The following PCDHGA8 variants were observed in gnomAD, a reference collection of about 807,000 sequenced individuals.
PCDHGA8 encodes the protein protocadherin gamma-A8.
In PCDHGA8, 45 loss-of-function variants were observed where a neutral mutation model predicts 59.2. The ratio of observed to expected loss-of-function variants is 0.76; its 90% CI spans 0.60 to 0.98. The LOEUF is 0.98. PCDHGA8 is among the 50% of genes least tolerant of loss of function. The pLI is 0.00. For synonymous variants in PCDHGA8, 531 were observed against 519.0 expected, an observed-to-expected ratio of 1.02 and a Z score of -0.32; for missense variants, 1,257 against 1,196.2, an observed-to-expected ratio of 1.05 and a Z score of -0.75.
intron 1 of PCDHGA8, chr5:141,418,494 T>TGATGGTGGG: frequency 6.2e-7 from 1 of 1,614,020 alleles, no homozygotes; most frequent in Non-Finnish European, 8.5e-7. Context: ...CACTTGGTAC[T>TGATGGTGGG]GACCGCCTTA....
intron 1 of PCDHGA8, among the ~76,000 whole-genome samples, chr5:141,448,571 C>G (rs1207283773): frequency 6.6e-6 from 1 of 152,128 alleles, no homozygotes; most frequent in Non-Finnish European, 1.5e-5. Flanking sequence ...TTTTATTTCC[C>G]CATTTTTTTT....
chr5:141,465,689 C>A (rs2099107540), intron 1 of PCDHGA8, among the ~76,000 whole-genome samples: 1 of 152,162 alleles, frequency 6.6e-6, no homozygotes, highest in African/African-American at 2.4e-5. Context: ...GACCAGTCTG[C>A]TTTTGCATTG....
rs752341952 is a variant in PCDHGA8 at position 141,431,380 on chromosome 5, T to C, written c.2424+36143T>C. 10 of 1,613,902 alleles carry C rather than the reference T, an allele frequency of 6.2e-6. No homozygotes were observed. The highest frequency in any genetic ancestry group is 8.5e-6 in the Non-Finnish European group (10 of 1,180,024). ...CCCTGGACCGCGAAGAAAAGGCTGCTCACCACCTGGTCCTTACGGCCTCCG... is the reference window on the plus strand; with the variant it reads ...CCCTGGACCGCGAAGAAAAGGCTGCCCACCACCTGGTCCTTACGGCCTCCG... On this transcript the variant is annotated intron_variant, in intron 1 of 3. Transcript: ENST00000398604. The surrounding 1 kb of genome is among the most constrained non-coding windows in gnomAD (Gnocchi z 4.8).
intron 2 of PCDHGA8, among the ~76,000 whole-genome samples, chr5:141,502,537 G>A (rs900570745): frequency 2.0e-5 from 3 of 152,042 alleles, no homozygotes; most frequent in Admixed American, 6.6e-5. Context: ...GTTTGTTCGT[G>A]TGGTAAAAAC....
At position 141,491,489 on chromosome 5, in the gene PCDHGA8, A is replaced by T; in HGVS notation, c.2425-3318A>T. 1.2e-6 allele frequency: 2 copies of T among 1,614,130 alleles called. No individual in the cohort carries two copies. Among genetic ancestry groups the T allele is most frequent in the Non-Finnish European group, 1.7e-6 (2 of 1,180,018 alleles). On this transcript the variant is annotated intron_variant, in intron 1 of 3. Coordinates refer to ENST00000398604, the MANE Select transcript of PCDHGA8 (RefSeq NM_032088.2). This position sits in a 1 kb window ranked among gnomAD's most constrained non-coding sequence, Gnocchi z 6.9. ...TATAAGCAGTCCAGCCCCAACCTGC[A>T]GGTGAGCTCGGACGGCACGCTCAAG... is the stretch of plus-strand genomic sequence containing the variant.
intron 1 of PCDHGA8, chr5:141,405,323 T>C (rs1420760439): frequency 6.2e-7 from 1 of 1,614,220 alleles, no homozygotes; most frequent in Non-Finnish European, 8.5e-7. Context: ...AAATGAGCCT[T>C]TGTGCGTCTC....
chr5:141,422,699 C>G (rs765368737), intron 1 of PCDHGA8: 2 of 1,603,420 alleles, frequency 1.2e-6, no homozygotes, highest in South Asian at 1.1e-5. Context: ...GTCACTTACT[C>G]TCTGACGGAT....
intron 1 of PCDHGA8, among the ~76,000 whole-genome samples, chr5:141,454,491 C>T (rs956727548): frequency 6.6e-6 from 1 of 152,194 alleles, no homozygotes; most frequent in South Asian, 2.1e-4. Context: ...ACCGCAACCT[C>T]CACCTCCTGG....
At chr5:141,497,719 T>C (rs1311566820) in intron 2 of PCDHGA8, among the ~76,000 whole-genome samples, 2 of 152,076 alleles carry the variant, frequency 1.3e-5, no homozygotes, top group Non-Finnish European at 2.9e-5. Context: ...TTTGTATTTT[T>C]AGTAGAGATG....
chr5:141,399,699 C>A lies in PCDHGA8; in HGVS notation c.2424+4462C>A, dbSNP rs555724833. ...TTGACTACGAGCAGCTGCGCACCTT[C>A]GAACTCACACTACAGGCCCGCGACC... On this transcript the variant is annotated intron_variant, in intron 1 of 3. Coordinates refer to ENST00000398604, the MANE Select transcript of PCDHGA8 (RefSeq NM_032088.2). The A allele has an allele frequency of 1.9e-6, 3 of 1,613,476 alleles. No homozygotes were observed. In the East Asian group the frequency reaches 6.7e-5, roughly 36 times the overall value.
At position 141,505,394 on chromosome 5, in the gene PCDHGA8, T is replaced by C; in HGVS notation, c.2485T>C (p.Ser829Pro). 6.2e-7 allele frequency: 1 copy of C among 1,614,110 alleles called. No homozygotes were observed. The highest frequency in any genetic ancestry group is 8.5e-7 in the Non-Finnish European group (1 of 1,180,002). The part of the protein sequence containing the change: ...SQAQRPGTSG[S>P]QNGDDTGTWP... ...CTCACCATCCTACTCTCTCCCCAGC[T>C]CCCAAAATGGCGATGACACCGGCAC... Residue 829 changes from serine (S) to proline (P), a missense_variant and splice_region_variant, in exon 3 of 4, where the codon TCC becomes CCC. By Grantham distance (74) the Ser-to-Pro change is moderately conservative. Coordinates refer to ENST00000398604, the MANE Select transcript of PCDHGA8 (RefSeq NM_032088.2).
intron 1 of PCDHGA8, chr5:141,428,653 T>A (rs952656382): frequency 1.8e-5 from 3 of 167,524 alleles, no homozygotes; most frequent in Admixed American, 1.1e-4. Flanking sequence ...TCACGTGAGT[T>A]CCAATGAATG....
intron 1 of PCDHGA8, among the ~76,000 whole-genome samples, chr5:141,450,814 A>C (rs990515429): frequency 1.5e-5 from 2 of 136,790 alleles, no homozygotes; most frequent in Non-Finnish European, 3.1e-5. Context: ...TTATTTATTT[A>C]ATATTATTAT....
At position 141,491,725 on chromosome 5, in the gene PCDHGA8, G is replaced by A. The variant is rs1008933711; in HGVS notation, c.2425-3082G>A. The A allele has an allele frequency of 6.2e-7, 1 of 1,606,496 alleles. No homozygotes were observed. The highest frequency in any genetic ancestry group is 1.3e-5 in the African/African-American group (1 of 74,728). On this transcript the variant is annotated intron_variant, in intron 1 of 3. Coordinates refer to ENST00000398604, the MANE Select transcript of PCDHGA8 (RefSeq NM_032088.2). The surrounding 1 kb of genome is among the most constrained non-coding windows in gnomAD (Gnocchi z 6.9). ...GGTGAGGGGCTCGGCGCCGCCCCGGGCGACCCCTGGGGGCGGCACTGGAGA... is the reference window on the plus strand; with the variant it reads ...GGTGAGGGGCTCGGCGCCGCCCCGGACGACCCCTGGGGGCGGCACTGGAGA...
At position 141,432,185 on chromosome 5, in the gene PCDHGA8, G is replaced by A. The variant is rs376661062; in HGVS notation, c.2424+36948G>A. 8.1e-6 allele frequency: 13 copies of A among 1,613,956 alleles called. No individual in the cohort carries two copies. The African/African-American group carries it at 1.3e-4, about 17-fold the overall frequency. On this transcript the variant is annotated intron_variant, in intron 1 of 3. Transcript: ENST00000398604. This position sits in a 1 kb window ranked among gnomAD's most constrained non-coding sequence, Gnocchi z 6.0. ...AGGAGTTTCCCTCGTCTCTGTGACC[G>A]CCCACGACCCCGACTGTGAAGAGAA...
intron 1 of PCDHGA8, among the ~76,000 whole-genome samples, chr5:141,458,890 C>A (rs369529373): frequency 2.0e-5 from 3 of 152,042 alleles, no homozygotes; most frequent in African/African-American, 7.2e-5. Flanking sequence ...GCACACCATG[C>A]GCAGCTAATT....
At chr5:141,398,254 A>C (rs868152545) in intron 1 of PCDHGA8, 1 of 1,465,852 alleles carries the variant, frequency 6.8e-7, no homozygotes, top group East Asian at 2.5e-5. Context: ...GGAAATGCCC[A>C]AGGGCTCCGT....
chr5:141,421,161 T>C (rs2096550274), intron 1 of PCDHGA8: 7 of 1,259,920 alleles, frequency 5.6e-6, no homozygotes, highest in Non-Finnish European at 7.5e-6. Flanking sequence ...TAGGACTTCA[T>C]AGATACATAA....
intron 3 of PCDHGA8, among the ~76,000 whole-genome samples, chr5:141,508,533 C>A (rs1396219805): frequency 6.6e-6 from 1 of 152,160 alleles, no homozygotes; most frequent in Non-Finnish European, 1.5e-5. Flanking sequence ...CAGGGCACCC[C>A]CCACGAGGTG....
Sources: gnomAD v4.1 joint callset for allele counts (sites outside exome capture counted in the v4.1 genomes callset) on GRCh38, gnomAD v4.1.1 for gene constraint, Gnocchi (gnomAD v3.1) non-coding constraint, MANE v1.5 for transcripts, NCBI Gene and HGNC (gene_info 2026-07-23, HGNC 2026-07-21) for gene names.